The following USO1 variants were observed in gnomAD, a reference collection of about 807,000 sequenced individuals.
USO1 encodes the protein USO1 vesicle transport factor.
A neutral mutation model predicts 124.5 loss-of-function variants in USO1; 57 were observed. That is an observed-to-expected ratio of 0.46 (90% confidence interval 0.37 to 0.57). The LOEUF is 0.57. Ranked by LOEUF, USO1 falls within the 20% of genes least tolerant of loss-of-function variation. The probability of loss-of-function intolerance (pLI) is 0.00; values close to 1 mark genes in which losing one functional copy is unlikely to be tolerated. For synonymous variants in USO1, 369 were observed against 362.8 expected (o/e 1.02, Z -0.19); for missense variants, 900 against 1,040.6 (o/e 0.86, Z 1.86).
In USO1 at chr4:75,805,269, A is replaced by C. The variant is rs1243146934; in HGVS notation, c.2255A>C (p.Gln752Pro). The C allele has an allele frequency of 1.2e-6, 2 of 1,611,180 alleles. No individual in the cohort carries two copies. The highest frequency in any genetic ancestry group is 1.7e-5 in the Admixed American group (1 of 59,578). ...CGTAATCAGGAACTTTTACAAAGCC[A>C]GCTGACTGAAAAGGACTCTATGATT... ...LKRNQELLQSQLTEKDSMIEN... is the reference protein window; with the variant it reads ...LKRNQELLQSPLTEKDSMIEN... The change falls in exon 19 of 24, where the codon CAG becomes CCG. Residue 752 changes from glutamine to proline, a missense_variant. Gln to Pro is a moderately conservative substitution (Grantham distance 76). This residue lies in a region of USO1 where 362 missense variants were observed against 359.0 expected (regional missense o/e 1.01). Coordinates refer to ENST00000514213, the MANE Select transcript of USO1 (RefSeq NM_003715.4).
Position 75,812,303 on chromosome 4 carries a change from C to A in USO1, c.2727C>A (p.Leu909=), listed in dbSNP as rs1723172959. The change falls in exon 23 of 24, where the codon CTC becomes CTA. Residue 909 remains leucine, a synonymous_variant. Transcript: ENST00000514213. ...ITDSKKEQDD[L]LVLLADQDQK... is the part of the protein sequence containing the mutation. ...ATTCTAAAAAAGAACAAGATGATCT[C>A]TTGGTGCTCTTGGCCGATCAAGATC... 2 of 1,606,410 alleles carry A rather than the reference C, an allele frequency of 1.2e-6. No homozygotes were observed. The highest frequency in any genetic ancestry group is 2.7e-5 in the African/African-American group (2 of 74,960).
At chr4:75,794,039 A>G in intron 13 of USO1, 138 bp downstream of exon 13, 1 of 1,339,680 alleles carries the variant, frequency 7.5e-7, no homozygotes, top group Non-Finnish European at 9.9e-7. Context: ...AATCAGAAAC[A>G]GTTTTGTGGA....
At chr4:75,762,367 TTGGCC>T (rs1721633389) in intron 4 of USO1, among the ~76,000 whole-genome samples, 1 of 151,896 alleles carries the variant, frequency 6.6e-6, no homozygotes, top group Non-Finnish European at 1.5e-5. Context: ...TTTCACTATA[TTGGCC>T]AGGATGGTCT....
chr4:75,765,794 G>A (rs1721754279), intron 4 of USO1, among the ~76,000 whole-genome samples: 1 of 152,130 alleles, frequency 6.6e-6, no homozygotes, highest in South Asian at 2.1e-4. Context: ...AAGGAGATCT[G>A]TAGCAGAGAA....
intron 9 of USO1, among the ~76,000 whole-genome samples, chr4:75,783,621 G>A (rs943982876): frequency 2.6e-5 from 4 of 152,142 alleles, no homozygotes; most frequent in African/African-American, 9.7e-5. Flanking sequence ...CTCGGAAGTT[G>A]TGGACCTAAC....
chr4:75,762,813 A>G (rs1721657076), intron 4 of USO1, among the ~76,000 whole-genome samples: 1 of 152,288 alleles, frequency 6.6e-6, no homozygotes, highest in Admixed American at 6.5e-5. Flanking sequence ...CTGTAGTCCC[A>G]GCTACTTGGG....
Position 75,813,442 on chromosome 4 carries a change from GC to G in USO1, c.*149del. 2 of 847,010 alleles carry G rather than the reference GC, an allele frequency of 2.4e-6. No individual in the cohort carries two copies. Among genetic ancestry groups the G allele is most frequent in the South Asian group, 4.0e-5 (1 of 24,890 alleles). 52.5% of individuals were successfully genotyped at this position (847,010 alleles called of 1,614,324 possible). Reference sequence around the variant, plus strand: ...ACTATTGATATATTTTTGTAATGTTGCCACCCATGTTGAAAACCTTAAAACT... The same window carrying G: ...ACTATTGATATATTTTTGTAATGTTGCACCCATGTTGAAAACCTTAAAACT... On this transcript the variant is annotated 3_prime_UTR_variant, in exon 24 of 24. Transcript: ENST00000514213.
At chr4:75,803,528 T>C (rs777240853) in intron 17 of USO1, among the ~76,000 whole-genome samples, 8 of 151,556 alleles carry the variant, frequency 5.3e-5, no homozygotes, top group Non-Finnish European at 1.2e-4. Flanking sequence ...CGGGCGCCTG[T>C]AATCCCAGCT....
chr4:75,732,459 C>A (rs1309051920), intron 1 of USO1, among the ~76,000 whole-genome samples: 2 of 152,002 alleles, frequency 1.3e-5, no homozygotes, highest in Non-Finnish European at 2.9e-5. Flanking sequence ...GAATAGTGCT[C>A]CAGTGAATAT....
rs1720329540 is a variant in USO1, at chr4:75,724,617, G to C, written c.-203G>C. On this transcript the variant is annotated 5_prime_UTR_variant, in exon 1 of 24. Coordinates refer to ENST00000514213, the MANE Select transcript of USO1 (RefSeq NM_003715.4). ...CCTTCGAGCCGCCACGTAATGCCACGTCCCCGCGCATGCGCATCTTGGCCG... is the reference window on the plus strand; with the variant it reads ...CCTTCGAGCCGCCACGTAATGCCACCTCCCCGCGCATGCGCATCTTGGCCG... The C allele has an allele frequency of 3.5e-6, 2 of 575,944 alleles. No individual in the cohort carries two copies. The highest frequency in any genetic ancestry group is 3.9e-5 in the African/African-American group (2 of 51,100). 35.7% of individuals were successfully genotyped at this position (575,944 alleles called of 1,614,324 possible).
chr4:75,733,904 C>T (rs1720709939), intron 1 of USO1, among the ~76,000 whole-genome samples: 1 of 148,980 alleles, frequency 6.7e-6, no homozygotes, highest in Non-Finnish European at 1.5e-5. Flanking sequence ...GGCCAATGTC[C>T]AGGATGATAT....
At chr4:75,734,234 A>G (rs561893861) in intron 1 of USO1, among the ~76,000 whole-genome samples, 158 of 152,080 alleles carry the variant, frequency 1.0e-3, no homozygotes, top group African/African-American at 3.7e-3. Context: ...GTAAGCCACC[A>G]TGCCCAGCCT....
chr4:75,805,421 G>T, intron 19 of USO1, 118 bp downstream of exon 19: 1 of 1,378,940 alleles, frequency 7.3e-7, no homozygotes, highest in Non-Finnish European at 9.5e-7. Flanking sequence ...GATTTTACAG[G>T]ATGGGCCAGG....
At chr4:75,797,724 C>G (rs1722730385) in intron 13 of USO1, among the ~76,000 whole-genome samples, 1 of 151,996 alleles carries the variant, frequency 6.6e-6, no homozygotes, top group East Asian at 1.9e-4. Context: ...TCACTGCAAC[C>G]TCTACCTCCC....
At chr4:75,776,941 A>G (rs1357868192) in intron 8 of USO1, among the ~76,000 whole-genome samples, 3 of 152,216 alleles carry the variant, frequency 2.0e-5, no homozygotes, top group Non-Finnish European at 4.4e-5. Context: ...AATCTTTGGA[A>G]TAGGGCCAGA....
At chr4:75,793,598 C>A in intron 12 of USO1, 92 bp from the exon 13 acceptor site, 1 of 1,441,270 alleles carries the variant, frequency 6.9e-7, no homozygotes, top group Non-Finnish European at 9.4e-7. Flanking sequence ...TGGTATTTCA[C>A]ACTATTTTAT....
rs1214937084 is a variant in USO1, at chr4:75,800,424, G to T, written c.1637G>T (p.Gly546Val). ...CAAGGCTTATGTGCCCTTTTGTTGG[G>T]CATTTCGATTTATTTCAATGATAAC... ...LVQGLCALLLGISIYFNDNSL... is the reference protein window; with the variant it reads ...LVQGLCALLLVISIYFNDNSL... Residue 546 changes from glycine (G) to valine (V), a missense_variant, in exon 15 of 24, where the codon GGC (glycine) becomes GTC (valine). Coordinates refer to ENST00000514213, the MANE Select transcript of USO1 (RefSeq NM_003715.4). The T allele has an allele frequency of 1.3e-6, 2 of 1,595,354 alleles. No homozygotes were observed. Among genetic ancestry groups the T allele is most frequent in the Non-Finnish European group, 1.7e-6 (2 of 1,170,292 alleles).
At chr4:75,789,991 T>C (rs1164215378) in intron 10 of USO1, among the ~76,000 whole-genome samples, 159 bp from the exon 11 acceptor site, 1 of 150,876 alleles carries the variant, frequency 6.6e-6, no homozygotes, top group Non-Finnish European at 1.5e-5. Context: ...TTTTCATGTA[T>C]ACATATGTAA....
At chr4:75,756,195 C>G (rs1490805203) in intron 3 of USO1, among the ~76,000 whole-genome samples, 2 of 145,478 alleles carry the variant, frequency 1.4e-5, no homozygotes, top group African/African-American at 5.0e-5. Context: ...AGAAGTAGAA[C>G]AGGAACGCAG....
Sources: allele counts gnomAD v4.1 joint callset (sites outside exome capture counted in the v4.1 genomes callset), GRCh38; gene constraint gnomAD v4.1.1; regional missense constraint gnomAD v4.1.1; transcripts MANE v1.5; gene names NCBI Gene and HGNC (gene_info 2026-07-23, HGNC 2026-07-21).